GABRG3: variants seen among roughly 807,000 people sequenced by gnomAD.
GABRG3 encodes the protein gamma-aminobutyric acid type A receptor subunit gamma3.
Under a neutral mutation model 48.8 loss-of-function variants are expected in GABRG3, and 25 were observed. The observed-to-expected ratio is 0.51, with a 90% confidence interval of 0.37 to 0.72. GABRG3 has a LOEUF of 0.72. Ranked by LOEUF, GABRG3 falls within the 30% of genes least tolerant of loss-of-function variation. The probability of loss-of-function intolerance (pLI) is 0.00; values close to 1 mark genes in which losing one functional copy is unlikely to be tolerated. For synonymous variants in GABRG3, 227 were observed against 217.6 expected (o/e 1.04, Z -0.38); for missense variants, 394 against 577.9 (o/e 0.68, Z 3.26).
At chr15:27,492,764 T>G (rs1890385991) in intron 6 of GABRG3, among the ~76,000 whole-genome samples, 1 of 152,250 alleles carries the variant, frequency 6.6e-6, no homozygotes, top group African/African-American at 2.4e-5. Context: ...ACTCACTTTG[T>G]GCGTGTAAAG....
intron 3 of GABRG3, among the ~76,000 whole-genome samples, chr15:27,293,323 A>G (rs1423549836): frequency 1.3e-5 from 2 of 152,202 alleles, no homozygotes; most frequent in African/African-American, 2.4e-5. Flanking sequence ...AAGAAAAAAT[A>G]TAATTGATGC....
rs58406176 is a variant in GABRG3 at position 27,190,459 on chromosome 15, G to A, written c.271-136350G>A. On this transcript the variant is annotated intron_variant, in intron 3 of 9. Transcript: ENST00000615808. ...TTTTTCCTGGTTTAGTCTTGGGAGA[G>A]TGTATGTGTTGAGGAATTTATCCAT... 4.5e-3 allele frequency among the ~76,000 whole-genome samples: 687 copies of A among 152,284 alleles called. 6 individuals are homozygous for A. The highest frequency in any genetic ancestry group is 0.016 in the African/African-American group (667 of 41,558).
chr15:27,244,368 G>A (rs1435623583), intron 3 of GABRG3, among the ~76,000 whole-genome samples: 1 of 152,170 alleles, frequency 6.6e-6, no homozygotes, highest in Admixed American at 6.5e-5. Context: ...AGGCAACAGA[G>A]CCTTGCCTGG....
chr15:27,056,749 C>T (rs887319088), intron 3 of GABRG3, among the ~76,000 whole-genome samples: 52 of 152,030 alleles, frequency 3.4e-4, no homozygotes, highest in Admixed American at 2.1e-3. Context: ...GGTGGATGAG[C>T]GTTTTCATTA....
chr15:27,239,904 T>G (rs1813863547), intron 3 of GABRG3, among the ~76,000 whole-genome samples: 1 of 152,198 alleles, frequency 6.6e-6, no homozygotes, highest in Admixed American at 6.5e-5. Flanking sequence ...CAGTACTAAT[T>G]TATATGCTTG....
chr15:27,230,798 GA>G (rs5811482), intron 3 of GABRG3, among the ~76,000 whole-genome samples: 27,759 of 151,142 alleles, frequency 0.18, 3,570 homozygotes, highest in East Asian at 0.41. Context: ...ACTTAGCTCA[GA>G]AAAAAAAATT....
chr15:27,274,230 T>C (rs1178463505), intron 3 of GABRG3, among the ~76,000 whole-genome samples: 2 of 152,222 alleles, frequency 1.3e-5, no homozygotes, highest in Non-Finnish European at 2.9e-5. Context: ...GTCCTGCTGC[T>C]GAGCTACCCA....
At chr15:27,315,643 C>G (rs1015874841) in intron 3 of GABRG3, among the ~76,000 whole-genome samples, 14 of 152,176 alleles carry the variant, frequency 9.2e-5, no homozygotes, top group African/African-American at 3.4e-4. Context: ...TGGTGACAGA[C>G]ACAAGCAACA....
At chr15:27,088,185 C>A (rs1042705302) in intron 3 of GABRG3, among the ~76,000 whole-genome samples, 4 of 148,964 alleles carry the variant, frequency 2.7e-5, no homozygotes, top group Non-Finnish European at 5.9e-5. Flanking sequence ...CCTGGAAAGG[C>A]AGCCTTGCAG....
intron 2 of GABRG3, among the ~76,000 whole-genome samples, chr15:27,018,539 G>A (rs1393630145): frequency 1.3e-5 from 2 of 152,124 alleles, no homozygotes; most frequent in East Asian, 3.9e-4. Context: ...ACTCTTGCTG[G>A]CCTTCTTGAG....
intron 5 of GABRG3, among the ~76,000 whole-genome samples, chr15:27,345,830 G>T (rs1354957220): frequency 6.6e-6 from 1 of 152,046 alleles, no homozygotes; most frequent in East Asian, 1.9e-4. Flanking sequence ...GAGGCAGGGG[G>T]ATCCCCTGAG....
At chr15:27,336,170 C>T (rs959085250) in intron 5 of GABRG3, among the ~76,000 whole-genome samples, 13 of 135,312 alleles carry the variant, frequency 9.6e-5, no homozygotes, top group African/African-American at 3.6e-4. Context: ...GCCTGGGAAA[C>T]AAGAGCAAGA....
intron 2 of GABRG3, among the ~76,000 whole-genome samples, chr15:26,979,427 T>C (rs984147856): frequency 6.6e-6 from 1 of 152,202 alleles, no homozygotes; most frequent in Non-Finnish European, 1.5e-5. Flanking sequence ...TTCTAGATCT[T>C]AGGGGCAAAG....
intron 3 of GABRG3, among the ~76,000 whole-genome samples, chr15:27,069,228 G>T (rs1896787157): frequency 6.6e-6 from 1 of 152,166 alleles, no homozygotes; most frequent in Admixed American, 6.5e-5. Context: ...TACTTCCAGG[G>T]TTTTATATTT....
At chr15:27,526,807 G>A (rs990760783) in intron 7 of GABRG3, among the ~76,000 whole-genome samples, 1 of 152,100 alleles carries the variant, frequency 6.6e-6, no homozygotes. Context: ...ATGTGCTAGC[G>A]TCTGTGCTGG....
intron 5 of GABRG3, among the ~76,000 whole-genome samples, chr15:27,420,140 C>CT (rs895158317): frequency 6.6e-6 from 1 of 152,084 alleles, no homozygotes; most frequent in African/African-American, 2.4e-5. Flanking sequence ...CGTGCAAATC[C>CT]TTTTTTTAGA....
chr15:26,977,835 A>G (rs7178872), intron 2 of GABRG3, among the ~76,000 whole-genome samples: 88,247 of 151,990 alleles, frequency 0.58, 27,037 homozygotes, highest in East Asian at 0.9. Context: ...TGGGATAAAT[A>G]CCCAGGAGTA....
chr15:27,036,367 T>C (rs1427411380), intron 3 of GABRG3, among the ~76,000 whole-genome samples: 1 of 152,088 alleles, frequency 6.6e-6, no homozygotes, highest in African/African-American at 2.4e-5. Context: ...CTATGCAAGG[T>C]AGTAAGCAGG....
chr15:27,452,409 G>A (rs1595763311), intron 5 of GABRG3, among the ~76,000 whole-genome samples: 1 of 152,080 alleles, frequency 6.6e-6, no homozygotes. Flanking sequence ...GGGATTGTGG[G>A]GGCCAATACC....
Sources: gnomAD v4.1 joint callset for allele counts (sites outside exome capture counted in the v4.1 genomes callset) on GRCh38, gnomAD v4.1.1 for gene constraint, MANE v1.5 for transcripts, NCBI Gene and HGNC (gene_info 2026-07-23, HGNC 2026-07-21) for gene names.